Variants in EWSR1 observed in about 807,000 individuals in gnomAD.
The protein encoded by EWSR1 is RNA-binding protein EWS.
In EWSR1, 14 loss-of-function variants were observed where a neutral mutation model predicts 92.1. The observed-to-expected ratio is 0.15, with a 90% CI of 0.10 to 0.24. The LOEUF is 0.24. Among genes scored for constraint, EWSR1 ranks in the 10% least tolerant of loss-of-function variants. The pLI is 1.00. For missense variants in EWSR1, 637 were observed against 870.9 expected (o/e 0.73, Z 3.38); for synonymous variants, 303 against 292.9 (o/e 1.03, Z -0.35).
At chr22:29,281,747 AT>A (rs909848050) in intron 5 of EWSR1, among the ~76,000 whole-genome samples, 26 of 148,086 alleles carry the variant, frequency 1.8e-4, no homozygotes, top group African/African-American at 3.0e-4. Context: ...TGCCTGGCTA[AT>A]TTTTTTTTTT....
chr22:29,274,263 A>G, intron 4 of EWSR1: 1 of 1,613,926 alleles, frequency 6.2e-7, no homozygotes, highest in Non-Finnish European at 8.5e-7. Context: ...TGCTTTCCAC[A>G]GTAGAAGGGA....
At chr22:29,280,328 A>G (rs2059463153) in intron 5 of EWSR1, among the ~76,000 whole-genome samples, 4 of 152,190 alleles carry the variant, frequency 2.6e-5, no homozygotes, top group Non-Finnish European at 1.5e-5. Context: ...TTGGCCTCCC[A>G]AAGTGCTGGG....
At position 29,299,226 on chromosome 22, in the gene EWSR1, G is replaced by A. The variant is rs773111625; in HGVS notation, c.1581-8G>A. The A allele has an allele frequency of 6.2e-7, 1 of 1,613,912 alleles. No individual in the cohort carries two copies. The highest frequency in any genetic ancestry group is 1.3e-5 in the African/African-American group (1 of 74,890). On this transcript the variant is annotated splice_region_variant and splice_polypyrimidine_tract_variant and intron_variant, in intron 14 of 16. Transcript: ENST00000397938. ...TGGTGATTTCTGCTGTGATGTAATT[G>A]TATGCAGGGGTTGTGGAAACCAGAA... is the stretch of plus-strand genomic sequence containing the variant.
Position 29,300,346 on chromosome 22 carries a change from GT to G in EWSR1, c.*194del, listed in dbSNP as rs897774682. On this transcript the variant is annotated 3_prime_UTR_variant, in exon 17 of 17. Transcript: ENST00000397938. ...AACAAGTTAAATGGTAGTGTGCGGA[GT>G]TTTTTTTTCTTCCTTCTTTTAAAAA... The G allele has an allele frequency of 4.2e-4, 241 of 570,626 alleles. 1 individual carries two copies. The East Asian group carries it at 5.3e-3, about 13-fold the overall frequency. The allele number at this position is 570,626 out of a possible 1,614,324, so 35.3% of individuals were successfully genotyped here.
At position 29,298,728 on chromosome 22, in the gene EWSR1, T is replaced by C. The variant is rs2061087883; in HGVS notation, c.1418-5T>C. The C allele has an allele frequency of 6.2e-7, 1 of 1,613,144 alleles. No homozygotes were observed. Among genetic ancestry groups the C allele is most frequent in the Non-Finnish European group, 8.5e-7 (1 of 1,179,900 alleles). On this transcript the variant is annotated splice_polypyrimidine_tract_variant and splice_region_variant and intron_variant, in intron 13 of 16. Coordinates refer to ENST00000397938, the MANE Select transcript of EWSR1 (RefSeq NM_005243.4). The stretch of plus-strand genomic sequence containing the variant: ...ATTTGCTGTTTCTTGTTGTTCTTGT[T>C]GTAGGTCCAGGAGGCCCAGGAGGTC...
intron 4 of EWSR1, chr22:29,274,520 GTTAT>G: frequency 2.0e-6 from 1 of 489,362 alleles, no homozygotes; most frequent in Non-Finnish European, 3.7e-6. Flanking sequence ...CTTAATAATA[GTTAT>G]TTACCTTCCC....
intron 15 of EWSR1, 59 bp downstream of exon 15, chr22:29,299,390 T>G: frequency 6.4e-7 from 1 of 1,566,176 alleles, no homozygotes; most frequent in Non-Finnish European, 8.7e-7. Flanking sequence ...TCTTTTCTTA[T>G]TTGTGGGCTT....
chr22:29,280,229 G>A (rs544205293), intron 5 of EWSR1, among the ~76,000 whole-genome samples: 8 of 152,178 alleles, frequency 5.3e-5, no homozygotes, highest in East Asian at 1.9e-4. Context: ...CACCATGCCC[G>A]GCTAATTTTT....
rs1462425889 is a variant in EWSR1 at position 29,292,359 on chromosome 22, C to T, written c.1046-129C>T. The T allele has an allele frequency of 7.7e-6, 7 of 914,704 alleles. No individual in the cohort carries two copies. The East Asian group carries it at 1.4e-4, about 19-fold the overall frequency. 56.7% of individuals were successfully genotyped at this position (914,704 alleles called of 1,614,324 possible). On this transcript the variant is annotated intron_variant, in intron 10 of 16. Transcript: ENST00000397938. ...GTGAAGTAAACCAAAAGTTTGATAGCATTCTTCTTAGTATGCTTGGTAGTT... is the reference window on the plus strand; with the variant it reads ...GTGAAGTAAACCAAAAGTTTGATAGTATTCTTCTTAGTATGCTTGGTAGTT...
At chr22:29,276,055 T>G (rs2059095364) in intron 4 of EWSR1, 3 of 231,864 alleles carry the variant, frequency 1.3e-5, no homozygotes, top group Non-Finnish European at 2.6e-5. Context: ...TCTATTGCTG[T>G]AATCTTTAGC....
In EWSR1 at chr22:29,268,296, A is replaced by T. The variant is rs2058284279; in HGVS notation, c.-41A>T. The T allele has an allele frequency of 6.2e-7, 1 of 1,609,110 alleles. No individual in the cohort carries two copies. Among genetic ancestry groups the T allele is most frequent in the Non-Finnish European group, 8.5e-7 (1 of 1,175,532 alleles). ...GTGCGGCGCCTAGAGGGAAAGCGAG[A>T]GGGAGACGGACGTTGAGAGAACGAG... On this transcript the variant is annotated 5_prime_UTR_variant, in exon 1 of 17. Transcript: ENST00000397938.
chr22:29,272,581 G>A (rs147500022), intron 3 of EWSR1, 150 bp downstream of exon 3: 289 of 736,310 alleles, frequency 3.9e-4, no homozygotes, highest in African/African-American at 3.6e-3. Flanking sequence ...GTGGGAGTGC[G>A]AAGGACTCCA....
At chr22:29,286,680 C>CTT (rs1408088101) in intron 6 of EWSR1, among the ~76,000 whole-genome samples, 5 of 86,054 alleles carry the variant, frequency 5.8e-5, no homozygotes, top group Non-Finnish European at 1.1e-4. Flanking sequence ...GAGCAACACT[C>CTT]TGTCTCAAAA....
chr22:29,286,367 A>C (rs1436102337), intron 6 of EWSR1, among the ~76,000 whole-genome samples: 2 of 151,596 alleles, frequency 1.3e-5, no homozygotes, highest in Non-Finnish European at 2.9e-5. Context: ...AAAACTCTTT[A>C]AGGATTATAC....
chr22:29,276,232 A>G (rs1462362443), intron 4 of EWSR1: 6 of 230,258 alleles, frequency 2.6e-5, no homozygotes, highest in Non-Finnish European at 5.2e-5. Flanking sequence ...ATTAGATTCT[A>G]ATTTAAATAA....
intron 5 of EWSR1, among the ~76,000 whole-genome samples, chr22:29,281,169 G>A (rs979833774): frequency 1.3e-5 from 2 of 151,226 alleles, no homozygotes; most frequent in African/African-American, 2.4e-5. Context: ...GTGAACCACC[G>A]CTACCAGCCA....
chr22:29,277,549 C>T (rs1171661297), intron 4 of EWSR1: 1 of 228,940 alleles, frequency 4.4e-6, no homozygotes, highest in Non-Finnish European at 8.6e-6. Context: ...GGTTTTAGTG[C>T]TAGAACTAGT....
intron 11 of EWSR1, among the ~76,000 whole-genome samples, chr22:29,292,975 C>G (rs2060557906): frequency 6.6e-6 from 1 of 151,964 alleles, no homozygotes; most frequent in Non-Finnish European, 1.5e-5. Flanking sequence ...GTCTCAAACT[C>G]CTGACCTCAG....
At position 29,298,669 on chromosome 22, in the gene EWSR1, T is replaced by C. The variant is rs1019186251; in HGVS notation, c.1418-64T>C. The C allele has an allele frequency of 1.0e-5, 16 of 1,596,282 alleles. 1 individual carries two copies. In the South Asian group the frequency reaches 1.7e-4, roughly 17 times the overall value. ...CTGTGGGTTTACTTAGTGATTTTTATTTCCTATAGCAAATTTGGTGCTACA... is the reference window on the plus strand; with the variant it reads ...CTGTGGGTTTACTTAGTGATTTTTACTTCCTATAGCAAATTTGGTGCTACA... On this transcript the variant is annotated intron_variant, in intron 13 of 16. Coordinates refer to ENST00000397938, the MANE Select transcript of EWSR1 (RefSeq NM_005243.4).
Sources: gnomAD v4.1 joint callset for allele counts (sites outside exome capture counted in the v4.1 genomes callset) on GRCh38, gnomAD v4.1.1 for gene constraint, MANE v1.5 for transcripts, NCBI Gene and HGNC (gene_info 2026-07-23, HGNC 2026-07-21) for gene names.